Variants in CDH11 observed in about 807,000 individuals in gnomAD.
CDH11 encodes cadherin 11.
A neutral mutation model predicts 67.8 loss-of-function variants in CDH11; 11 were observed. That is an observed-to-expected ratio of 0.16 (90% CI 0.10 to 0.27). The LOEUF (loss-of-function observed/expected upper bound fraction) is 0.27. CDH11 is among the 10% of genes least tolerant of loss of function. CDH11 has a pLI of 1.00. For synonymous variants in CDH11, 419 were observed against 400.0 expected (o/e 1.05, Z -0.57); for missense variants, 847 against 1,031.2 (o/e 0.82, Z 2.45).
chr16:65,054,258 G>A (rs1347685837), intron 1 of CDH11, among the ~76,000 whole-genome samples: 3 of 152,178 alleles, frequency 2.0e-5, no homozygotes, highest in African/African-American at 4.8e-5. Flanking sequence ...GCTATTGGGG[G>A]AAGGTATGAA....
chr16:65,095,336 C>T (rs1000012180), intron 1 of CDH11, among the ~76,000 whole-genome samples: 2 of 152,118 alleles, frequency 1.3e-5, no homozygotes, highest in African/African-American at 4.8e-5. Flanking sequence ...ATGTGCTTTA[C>T]GTTACTTAAC....
chr16:65,062,115 G>A (rs2074243142), intron 1 of CDH11, among the ~76,000 whole-genome samples: 1 of 152,124 alleles, frequency 6.6e-6, no homozygotes, highest in African/African-American at 2.4e-5. Context: ...TGATTTAAAA[G>A]AAACATGACT....
At chr16:65,112,241 T>C (rs557830516) in intron 1 of CDH11, among the ~76,000 whole-genome samples, 2 of 152,212 alleles carry the variant, frequency 1.3e-5, no homozygotes, top group South Asian at 2.1e-4. Flanking sequence ...TTTGCATAAG[T>C]AGGTAATGAG....
At chr16:64,964,179 GC>G (rs1327684641) in intron 11 of CDH11, among the ~76,000 whole-genome samples, 1 of 152,200 alleles carries the variant, frequency 6.6e-6, no homozygotes, top group Non-Finnish European at 1.5e-5. Context: ...TGACAGGGAA[GC>G]ATCCTGAGAA....
In CDH11 at chr16:64,988,322, T is replaced by G; in HGVS notation, c.834A>C (p.Ser278=). 6.2e-7 allele frequency: 1 copy of G among 1,613,188 alleles called. No individual in the cohort carries two copies. The change falls in exon 7 of 13, where the codon TCA becomes TCC. Residue 278 remains serine, a synonymous_variant. Coordinates refer to ENST00000268603, the MANE Select transcript of CDH11 (RefSeq NM_001797.4). ...CTTCCTCCCCAGGGACGGCTGCTTC[T>G]GACACAGACATCTGGTATACGCCTA... The part of the protein sequence containing the change: ...FPQSVYQMSV[S]EAAVPGEEVG...
chr16:65,036,067 C>T (rs1042387365), intron 2 of CDH11, among the ~76,000 whole-genome samples: 2 of 152,152 alleles, frequency 1.3e-5, no homozygotes, highest in African/African-American at 2.4e-5. Flanking sequence ...GAACACTATG[C>T]TAAGCACTCT....
chr16:64,966,521 A>G (rs886488400), intron 11 of CDH11, among the ~76,000 whole-genome samples: 6 of 152,074 alleles, frequency 3.9e-5, no homozygotes, highest in Non-Finnish European at 8.8e-5. Flanking sequence ...GTAAATAGAC[A>G]GAATGGGAAG....
chr16:64,982,040 G>A lies in CDH11; in HGVS notation c.1253+8C>T, dbSNP rs550760276. The A allele has an allele frequency of 3.4e-5, 54 of 1,605,912 alleles. No individual in the cohort carries two copies. The Admixed American group carries it at 5.7e-4, about 17-fold the overall frequency. On this transcript the variant is annotated splice_region_variant and intron_variant, in intron 8 of 12. Coordinates refer to ENST00000268603, the MANE Select transcript of CDH11 (RefSeq NM_001797.4). The stretch of plus-strand genomic sequence containing the variant: ...CCATCCAAGCTCTTAAAATAAATCC[G>A]TCTGTACCTTATCGGGCTGTTGGCA...
chr16:65,004,594 T>C (rs1386950314), intron 3 of CDH11, 48 bp downstream of exon 3: 1 of 1,569,350 alleles, frequency 6.4e-7, no homozygotes, highest in African/African-American at 1.4e-5. Flanking sequence ...CAGACGACTA[T>C]TCCAATGGTG....
intron 2 of CDH11, among the ~76,000 whole-genome samples, chr16:65,034,817 T>C (rs562745797): frequency 5.3e-5 from 8 of 152,140 alleles, no homozygotes; most frequent in African/African-American, 1.9e-4. Context: ...AATTGGCTGG[T>C]AATATAGGGT....
At chr16:65,046,433 ATGGATCCCCATCCTGGGGG>A (rs2142692833) in intron 2 of CDH11, among the ~76,000 whole-genome samples, 1 of 152,146 alleles carries the variant, frequency 6.6e-6, no homozygotes, top group East Asian at 1.9e-4. Flanking sequence ...CATCCTAGGG[ATGGATCCCCATCCTGGGGG>A]TGGATTTGCT....
intron 1 of CDH11, among the ~76,000 whole-genome samples, chr16:65,064,078 AC>A (rs1433901923): frequency 6.6e-6 from 1 of 152,180 alleles, no homozygotes; most frequent in Non-Finnish European, 1.5e-5. Flanking sequence ...GGGAGGGGTC[AC>A]CTTTGGCTCT....
At chr16:65,120,071 T>C (rs2075299599) in intron 1 of CDH11, among the ~76,000 whole-genome samples, 1 of 152,214 alleles carries the variant, frequency 6.6e-6, no homozygotes, top group Non-Finnish European at 1.5e-5. Flanking sequence ...TGTAACTTTT[T>C]TTCCTTTGTC....
At chr16:65,035,752 A>G (rs1223302676) in intron 2 of CDH11, among the ~76,000 whole-genome samples, 1 of 152,164 alleles carries the variant, frequency 6.6e-6, no homozygotes, top group African/African-American at 2.4e-5. Context: ...AAGGGTTATT[A>G]TTATCCTTGT....
At chr16:64,994,948 G>A (rs2072727629) in intron 4 of CDH11, among the ~76,000 whole-genome samples, 1 of 152,020 alleles carries the variant, frequency 6.6e-6, no homozygotes, top group Non-Finnish European at 1.5e-5. Context: ...CAAGAATACA[G>A]TGCGATTCAC....
chr16:65,088,704 G>GA (rs889100970), intron 1 of CDH11, among the ~76,000 whole-genome samples: 1 of 152,100 alleles, frequency 6.6e-6, no homozygotes, highest in Non-Finnish European at 1.5e-5. Context: ...ACGTACTGTA[G>GA]AAATCACCTG....
chr16:64,977,808 A>C (rs140658376), intron 8 of CDH11, among the ~76,000 whole-genome samples: 1 of 152,320 alleles, frequency 6.6e-6, no homozygotes, highest in East Asian at 1.9e-4. Context: ...TCATAGCCAC[A>C]AAGGATGTCA....
chr16:65,109,293 T>C (rs1239144524), intron 1 of CDH11, among the ~76,000 whole-genome samples: 1 of 152,248 alleles, frequency 6.6e-6, no homozygotes, highest in Non-Finnish European at 1.5e-5. Flanking sequence ...CAGGCTACCA[T>C]GTCTCAGATG....
upstream of CDH11, chr16:65,122,200 C>T: frequency 1.9e-6 from 1 of 536,044 alleles, no homozygotes; most frequent in Non-Finnish European, 3.3e-6. Context: ...CTGAGAGAAG[C>T]CGAGGCTGCG....
Sources: gnomAD v4.1 joint callset for allele counts (sites outside exome capture counted in the v4.1 genomes callset) on GRCh38, gnomAD v4.1.1 for gene constraint, MANE v1.5 for transcripts, NCBI Gene and HGNC (gene_info 2026-07-23, HGNC 2026-07-21) for gene names.